The following SLC5A12 variants were observed in gnomAD, a reference collection of about 807,000 sequenced individuals.
SLC5A12 encodes the protein sodium-coupled monocarboxylate transporter 2.
SLC5A12 carries 46 observed loss-of-function variants against 72.7 expected under a neutral mutation model. The ratio of observed to expected loss-of-function variants is 0.63; its 90% CI spans 0.50 to 0.81. The LOEUF (loss-of-function observed/expected upper bound fraction) is 0.81. SLC5A12 is among the 30% of genes least tolerant of loss of function. The pLI is 0.00. For missense variants in SLC5A12, 683 were observed against 740.7 expected, an observed-to-expected ratio of 0.92 and a Z score of 0.90; for synonymous variants, 275 against 264.4, an observed-to-expected ratio of 1.04 and a Z score of -0.39.
At chr11:26,671,420 C>T (rs7101498) in intron 14 of SLC5A12, among the ~76,000 whole-genome samples, 169 bp from the exon 15 acceptor site, 104,320 of 151,972 alleles carry the variant, frequency 0.69, 36,531 homozygotes, top group East Asian at 0.82. Context: ...TGATAATCCA[C>T]GTAAGGTACT....
At chr11:26,687,018 G>A (rs1333822367) in intron 9 of SLC5A12, among the ~76,000 whole-genome samples, 1 of 152,088 alleles carries the variant, frequency 6.6e-6, no homozygotes, top group Non-Finnish European at 1.5e-5. Flanking sequence ...CGCAAATCTG[G>A]AAAGTTTTTC....
chr11:26,691,717 T>C (rs180794008), intron 9 of SLC5A12: 2 of 152,284 alleles, frequency 1.3e-5, no homozygotes, highest in East Asian at 3.9e-4. Flanking sequence ...ACCTATATTT[T>C]CTATTAGTAA....
At chr11:26,675,705 T>C (rs1207517964) in intron 13 of SLC5A12, among the ~76,000 whole-genome samples, 1 of 152,164 alleles carries the variant, frequency 6.6e-6, no homozygotes, top group Non-Finnish European at 1.5e-5. Context: ...ACCAACTCTA[T>C]GCCAAGGTAC....
At chr11:26,683,021 A>G (rs1854445617) in intron 11 of SLC5A12, among the ~76,000 whole-genome samples, 1 of 152,306 alleles carries the variant, frequency 6.6e-6, no homozygotes, top group East Asian at 1.9e-4. Flanking sequence ...ATCCTATAGT[A>G]TATACATTAA....
chr11:26,720,324 C>CATAA (rs142328311), intron 1 of SLC5A12, among the ~76,000 whole-genome samples: 41,867 of 144,938 alleles, frequency 0.29, 6,361 homozygotes, highest in East Asian at 0.47. Context: ...AGCCCCATCT[C>CATAA]ATAAATAAAT....
At chr11:26,715,440 G>A (rs933096498) in intron 1 of SLC5A12, among the ~76,000 whole-genome samples, 2 of 152,076 alleles carry the variant, frequency 1.3e-5, no homozygotes, top group Non-Finnish European at 2.9e-5. Context: ...ACCCTGAGAC[G>A]CACTTTATAT....
At chr11:26,682,901 C>G (rs1854442881) in intron 11 of SLC5A12, among the ~76,000 whole-genome samples, 1 of 152,082 alleles carries the variant, frequency 6.6e-6, no homozygotes, top group South Asian at 2.1e-4. Context: ...CGCTACCCAT[C>G]AATCTCCTTT....
At chr11:26,713,848 G>C (rs747447207) in intron 1 of SLC5A12, among the ~76,000 whole-genome samples, 4 of 152,132 alleles carry the variant, frequency 2.6e-5, no homozygotes, top group Non-Finnish European at 4.4e-5. Context: ...TCCTACACGA[G>C]GCTTTAAGGA....
chr11:26,684,564 C>A (rs560546352), intron 10 of SLC5A12, among the ~76,000 whole-genome samples: 1 of 152,214 alleles, frequency 6.6e-6, no homozygotes, highest in South Asian at 2.1e-4. Flanking sequence ...TCATTTCTTG[C>A]CTATCAACAT....
At chr11:26,691,824 T>C (rs1408572110) in intron 9 of SLC5A12, 1 of 152,218 alleles carries the variant, frequency 6.6e-6, no homozygotes, top group Non-Finnish European at 1.5e-5. Flanking sequence ...TAATATGCAA[T>C]TGCATGATTA....
At chr11:26,680,792 C>G (rs976469614) in intron 12 of SLC5A12, among the ~76,000 whole-genome samples, 1 of 152,016 alleles carries the variant, frequency 6.6e-6, no homozygotes, top group East Asian at 1.9e-4. Context: ...GTCTTTGAAC[C>G]CTCCACTATT....
chr11:26,668,659 T>C lies in SLC5A12; in HGVS notation c.*2443A>G, dbSNP rs1425027551. On this transcript the variant is annotated 3_prime_UTR_variant, in exon 15 of 15. Coordinates refer to ENST00000396005, the MANE Select transcript of SLC5A12 (RefSeq NM_178498.4). Reference sequence around the variant, plus strand: ...CAGTTTCCTGTAGATTCCCATCTGCTCTCTACCTGAAACCCTAGATTTATG... The same window carrying C: ...CAGTTTCCTGTAGATTCCCATCTGCCCTCTACCTGAAACCCTAGATTTATG... 1 of 151,998 alleles carries C rather than the reference T, an allele frequency of 6.6e-6. No individual in the cohort carries two copies. The highest frequency in any genetic ancestry group is 1.5e-5 in the Non-Finnish European group (1 of 67,980). 9.4% of individuals were successfully genotyped at this position (151,998 alleles called of 1,614,324 possible). A position where few individuals can be genotyped will look rare whatever the true frequency, so the allele number is the denominator to read the frequency against.
chr11:26,691,484 A>G (rs1348483377), intron 9 of SLC5A12, among the ~76,000 whole-genome samples: 2 of 151,964 alleles, frequency 1.3e-5, no homozygotes, highest in Non-Finnish European at 1.5e-5. Flanking sequence ...TCACAGTATT[A>G]AAAGAAAATG....
At chr11:26,688,293 C>T (rs1220931315) in intron 9 of SLC5A12, among the ~76,000 whole-genome samples, 14 of 152,148 alleles carry the variant, frequency 9.2e-5, no homozygotes, top group African/African-American at 1.9e-4. Flanking sequence ...AGCATCAGCT[C>T]GGAGGATCAG....
At chr11:26,672,306 G>A (rs1175141538) in intron 14 of SLC5A12, among the ~76,000 whole-genome samples, 1 of 152,088 alleles carries the variant, frequency 6.6e-6, no homozygotes. Flanking sequence ...TATGGGTTAG[G>A]CTTCCCTCTC....
rs750649154 is a variant in SLC5A12 at position 26,709,301 on chromosome 11, T to G, written c.525+11A>C. 6.2e-7 allele frequency: 1 copy of G among 1,603,654 alleles called. No homozygotes were observed. The highest frequency in any genetic ancestry group is 1.7e-5 in the Admixed American group (1 of 59,664). ...GTAGTGTTAAATACTTCTTCACAGCTAGATACATACCAGGGTACAGTAGAA... is the reference window on the plus strand; with the variant it reads ...GTAGTGTTAAATACTTCTTCACAGCGAGATACATACCAGGGTACAGTAGAA... On this transcript the variant is annotated intron_variant, in intron 4 of 14. Transcript: ENST00000396005.
chr11:26,671,108 A>G lies in SLC5A12; in HGVS notation c.1851T>C (p.His617=). The G allele has an allele frequency of 6.2e-7, 1 of 1,610,632 alleles. No individual in the cohort carries two copies. Among genetic ancestry groups the G allele is most frequent in the Non-Finnish European group, 8.5e-7 (1 of 1,178,306 alleles). The stretch of plus-strand genomic sequence containing the variant: ...CATTCATACAGGTATTGCCTTAGAA[A>G]TGGGTAGTCTCAAATGCCATATTGT... ...SYNNMAFETT[H]F The change falls in exon 15 of 15, where the codon CAT becomes CAC. Residue 617 remains histidine (H), a synonymous_variant. Coordinates refer to ENST00000396005, the MANE Select transcript of SLC5A12 (RefSeq NM_178498.4).
At chr11:26,697,317 A>G in intron 7 of SLC5A12, 65 bp from the exon 8 acceptor site, 2 of 1,443,196 alleles carry the variant, frequency 1.4e-6, no homozygotes, top group Non-Finnish European at 1.9e-6. Context: ...AAAAGAGAAG[A>G]GAGAGAAAAA....
chr11:26,700,354 T>C (rs1854927781), intron 6 of SLC5A12, among the ~76,000 whole-genome samples: 1 of 152,136 alleles, frequency 6.6e-6, no homozygotes, highest in Non-Finnish European at 1.5e-5. Flanking sequence ...GTTTGTAAAA[T>C]AGGCTTTTTC....
Sources: gnomAD v4.1 joint callset for allele counts (sites outside exome capture counted in the v4.1 genomes callset) on GRCh38, gnomAD v4.1.1 for gene constraint, MANE v1.5 for transcripts, NCBI Gene and HGNC (gene_info 2026-07-23, HGNC 2026-07-21) for gene names.